Variants in COMMD5 observed in about 807,000 individuals in gnomAD.
COMMD5 encodes COMM domain-containing protein 5.
COMMD5 carries 10 observed loss-of-function variants against 6.9 expected under a neutral mutation model. The observed-to-expected ratio is 1.44, with a 90% CI of 0.89 to 2.45. The LOEUF (loss-of-function observed/expected upper bound fraction) is 2.45, where lower values mean the gene tolerates loss of function less well. Among genes scored for constraint, COMMD5 ranks in the 30% most tolerant of loss-of-function variants. The probability of loss-of-function intolerance (pLI) is 0.00; values close to 1 mark genes in which losing one functional copy is unlikely to be tolerated. For missense variants in COMMD5, 234 were observed against 287.8 expected (o/e 0.81, Z 1.35); for synonymous variants, 127 against 125.3 (o/e 1.01, Z -0.09).
downstream of COMMD5, among the ~76,000 whole-genome samples, chr8:144,839,379 T>G (rs549706256): frequency 1.3e-5 from 2 of 152,342 alleles, no homozygotes; most frequent in Admixed American, 6.5e-5. Flanking sequence ...TGCTGGCTAC[T>G]CCCATGTGAT....
intron 1 of COMMD5, among the ~76,000 whole-genome samples, chr8:144,844,375 A>AG (rs911425231): frequency 1.2e-3 from 178 of 152,056 alleles, no homozygotes; most frequent in African/African-American, 4.1e-3. Context: ...TTTTTTTGGT[A>AG]GGGGGGAACG....
chr8:144,844,354 G>A (rs2130745569), intron 1 of COMMD5, among the ~76,000 whole-genome samples: 1 of 152,276 alleles, frequency 6.6e-6, no homozygotes, highest in South Asian at 2.1e-4. Context: ...TACTGGCCTA[G>A]TTGCCCCACT....
At chr8:144,838,455 G>T (rs1023853333), downstream of COMMD5, 2 of 358,596 alleles carry the variant, frequency 5.6e-6, no homozygotes, top group Non-Finnish European at 1.0e-5. Context: ...TGCTTAGCCG[G>T]TGTGCTGCCC....
downstream of COMMD5, among the ~76,000 whole-genome samples, chr8:144,849,933 G>A (rs563293949): frequency 2.0e-5 from 3 of 152,080 alleles, no homozygotes; most frequent in South Asian, 2.1e-4. Flanking sequence ...CCTCCCCAAC[G>A]TCGCCTCCCC....
chr8:144,848,902 C>G (rs972570876), downstream of COMMD5, among the ~76,000 whole-genome samples: 37 of 152,320 alleles, frequency 2.4e-4, no homozygotes, highest in African/African-American at 8.9e-4. Flanking sequence ...GCCTGTGTCT[C>G]ATAAGCTGTC....
In COMMD5 at chr8:144,851,412, G is replaced by T; in HGVS notation, c.-57-17C>A. 4.0e-6 allele frequency: 6 copies of T among 1,502,904 alleles called. No homozygotes were observed. Among genetic ancestry groups the T allele is most frequent in the South Asian group, 1.3e-5 (1 of 79,540 alleles). The allele number at this position is 1,502,904 out of a possible 1,614,324, so 93.1% of individuals were successfully genotyped here. A position where few individuals can be genotyped will look rare whatever the true frequency, so the allele number is the denominator to read the frequency against. On this transcript the variant is annotated splice_polypyrimidine_tract_variant and intron_variant, in intron 1 of 1. Transcript: ENST00000305103. ...TGCAGATGCCTAGAGTGGGGTGGAG[G>T]AGAGAAGACCAGTGACTCTCACATC...
At chr8:144,849,186 A>T (rs1830632204), downstream of COMMD5, among the ~76,000 whole-genome samples, 1 of 152,218 alleles carries the variant, frequency 6.6e-6, no homozygotes, top group Non-Finnish European at 1.5e-5. Context: ...AGCCCCATCC[A>T]CATCTGGGGA....
chr8:144,849,010 C>T (rs944070359), downstream of COMMD5, among the ~76,000 whole-genome samples: 3 of 152,176 alleles, frequency 2.0e-5, no homozygotes, highest in African/African-American at 4.8e-5. Context: ...CAATGAGAGA[C>T]GGCGAGAGGT....
chr8:144,850,871 C>T lies in COMMD5; in HGVS notation c.468G>A (p.Arg156=). 1 of 1,613,130 alleles carries T rather than the reference C, an allele frequency of 6.2e-7. No homozygotes were observed. The highest frequency in any genetic ancestry group is 8.5e-7 in the Non-Finnish European group (1 of 1,179,784). The stretch of plus-strand genomic sequence containing the variant: ...TGGAGATTGCTACATCCACCCGCCA[C>T]CGAAAGTCAGCAACATGCGGCAGCC... ...GAWLPHVADF[R]WRVDVAISTS... is the part of the protein sequence containing the mutation. The change falls in exon 2 of 2, where the codon CGG becomes CGA. Residue 156 remains arginine, a synonymous_variant. Transcript: ENST00000305103. This position sits in a 1 kb window ranked among gnomAD's most constrained non-coding sequence, Gnocchi z 4.0.
chr8:144,839,643 G>A (rs1829592078), downstream of COMMD5, among the ~76,000 whole-genome samples: 1 of 152,244 alleles, frequency 6.6e-6, no homozygotes, highest in African/African-American at 2.4e-5. Context: ...CCCAGCACTT[G>A]CTCGCAGACC....
At chr8:144,839,398 C>G (rs115901789), downstream of COMMD5, among the ~76,000 whole-genome samples, 817 of 152,366 alleles carry the variant, frequency 5.4e-3, 13 homozygotes, top group African/African-American at 0.019. Flanking sequence ...ATCCTTTCTG[C>G]TCAGTCTCCC....
chr8:144,845,813 C>T (rs1259891875), downstream of COMMD5, among the ~76,000 whole-genome samples: 1 of 152,224 alleles, frequency 6.6e-6, no homozygotes, highest in African/African-American at 2.4e-5. Flanking sequence ...TCTTCTCCAG[C>T]CATGCCCTAC....
At chr8:144,842,444 G>C in intron 1 of COMMD5, 2 of 1,614,132 alleles carry the variant, frequency 1.2e-6, no homozygotes, top group Non-Finnish European at 1.7e-6. Context: ...TGCAACAAGT[G>C]TACAAAAGCC....
In COMMD5 at chr8:144,850,651, G is replaced by C. The variant is rs755024340; in HGVS notation, c.*13C>G. On this transcript the variant is annotated 3_prime_UTR_variant, in exon 2 of 2. Coordinates refer to ENST00000305103, the MANE Select transcript of COMMD5 (RefSeq NM_014066.4). The surrounding 1 kb of genome is among the most constrained non-coding windows in gnomAD (Gnocchi z 4.0). ...TCCAAGCCGGATCTGAATGGGACTG[G>C]TCAAGTGAGGGGTCAGTCCTGCAGT... 1 of 1,607,744 alleles carries C rather than the reference G, an allele frequency of 6.2e-7. No individual in the cohort carries two copies. Among genetic ancestry groups the C allele is most frequent in the East Asian group, 2.2e-5 (1 of 44,750 alleles).
chr8:144,851,154 TC>T lies in COMMD5; in HGVS notation c.184del (p.Glu62ArgfsTer43). ...LKFVVSSLQG[E>X]DCREAVQRLG... ...ACGCTGCACAGCCTCTCGGCAGTCC[TC>T]CCCCTGCAGGCTGCTGACCACAAAC... On this transcript the variant is annotated frameshift_variant, in exon 2 of 2. Transcript: ENST00000305103. LOFTEE classifies it high-confidence loss of function. The T allele has an allele frequency of 6.2e-7, 1 of 1,613,010 alleles. No individual in the cohort carries two copies. The highest frequency in any genetic ancestry group is 8.5e-7 in the Non-Finnish European group (1 of 1,179,968).
chr8:144,838,001 C>G (rs556144424), downstream of COMMD5: 1 of 692,964 alleles, frequency 1.4e-6, no homozygotes, highest in South Asian at 1.5e-5. Flanking sequence ...AATTTATTGT[C>G]TCACAGCTGT....
At chr8:144,847,505 C>T (rs1015113743), downstream of COMMD5, 2 of 152,306 alleles carry the variant, frequency 1.3e-5, no homozygotes, top group Middle Eastern at 3.4e-3. Flanking sequence ...AAATCTATAA[C>T]CTAGGCCTGG....
At chr8:144,839,363 T>C (rs1829549956), downstream of COMMD5, among the ~76,000 whole-genome samples, 1 of 152,252 alleles carries the variant, frequency 6.6e-6, no homozygotes, top group African/African-American at 2.4e-5. Flanking sequence ...CTGGCCTCAC[T>C]GGCTCTGCTG....
At chr8:144,852,164 G>A (rs1209877) in intron 1 of COMMD5, among the ~76,000 whole-genome samples, 1 of 137,024 alleles carries the variant, frequency 7.3e-6, no homozygotes, top group African/African-American at 2.7e-5. Flanking sequence ...AACGAATGGA[G>A]GGAGGGGGGA....
Sources: gnomAD v4.1 joint callset for allele counts (sites outside exome capture counted in the v4.1 genomes callset) on GRCh38, gnomAD v4.1.1 for gene constraint, Gnocchi (gnomAD v3.1) non-coding constraint, MANE v1.5 for transcripts, NCBI Gene and HGNC (gene_info 2026-07-23, HGNC 2026-07-21) for gene names.